PKHD1: variants seen among roughly 807,000 people sequenced by gnomAD.
PKHD1 encodes fibrocystin.
A neutral mutation model predicts 412.0 loss-of-function variants in PKHD1; 291 were observed. The ratio of observed to expected loss-of-function variants is 0.71; its 90% CI spans 0.64 to 0.78. The LOEUF is 0.78. Among genes scored for constraint, PKHD1 ranks in the 30% least tolerant of loss-of-function variants. The probability of loss-of-function intolerance (pLI) is 0.00; values close to 1 mark genes in which losing one functional copy is unlikely to be tolerated. For missense variants in PKHD1, 4,825 were observed against 4,950.7 expected, an observed-to-expected ratio of 0.97 and a Z score of 0.76; for synonymous variants, 1,777 against 1,821.5, an observed-to-expected ratio of 0.98 and a Z score of 0.62.
At chr6:52,079,163 A>C (rs899605165) in intron 5 of PKHD1, among the ~76,000 whole-genome samples, 6 of 152,200 alleles carry the variant, frequency 3.9e-5, no homozygotes, top group African/African-American at 1.2e-4. Context: ...ACCTTTTCAG[A>C]GATTGTTTAA....
At chr6:51,886,516 A>G (rs1369484116) in intron 44 of PKHD1, among the ~76,000 whole-genome samples, 1 of 152,188 alleles carries the variant, frequency 6.6e-6, no homozygotes, top group Non-Finnish European at 1.5e-5. Flanking sequence ...AACCTGGGGG[A>G]CACTGTGCTG....
intron 48 of PKHD1, among the ~76,000 whole-genome samples, 193 bp from the exon 49 acceptor site, chr6:51,856,263 C>T (rs1165712196): frequency 6.6e-6 from 1 of 152,160 alleles, no homozygotes. Flanking sequence ...TGGGAAGTTG[C>T]CATTGGATCA....
intron 60 of PKHD1, among the ~76,000 whole-genome samples, chr6:51,738,987 C>T (rs968932586): frequency 3.3e-5 from 5 of 150,958 alleles, no homozygotes; most frequent in African/African-American, 1.2e-4. Flanking sequence ...TTTTTCCATC[C>T]TTCTCATCTC....
intron 63 of PKHD1, among the ~76,000 whole-genome samples, chr6:51,644,727 C>T (rs1769857491): frequency 6.6e-6 from 1 of 152,194 alleles, no homozygotes; most frequent in African/African-American, 2.4e-5. Context: ...TGTCACCAGG[C>T]TGGAATGCAG....
intron 60 of PKHD1, among the ~76,000 whole-genome samples, chr6:51,737,278 A>G (rs1405103200): frequency 6.6e-6 from 1 of 152,168 alleles, no homozygotes; most frequent in East Asian, 1.9e-4. Context: ...TCGTGAGTTT[A>G]TATTTTTAAT....
intron 66 of PKHD1, chr6:51,621,915 G>A (rs1766670835): frequency 6.6e-6 from 1 of 152,176 alleles, no homozygotes; most frequent in African/African-American, 2.4e-5. Flanking sequence ...GGGTTTTAGG[G>A]AAGGAAGGAT....
intron 4 of PKHD1, 63 bp from the exon 5 acceptor site, chr6:52,080,071 C>T: frequency 1.1e-6 from 1 of 928,190 alleles, no homozygotes; most frequent in Non-Finnish European, 1.8e-6. Context: ...GCTAGCAGCC[C>T]ACTTGCCACT....
intron 58 of PKHD1, among the ~76,000 whole-genome samples, chr6:51,747,577 AGTT>A (rs1300377692): frequency 6.6e-6 from 1 of 152,190 alleles, no homozygotes; most frequent in Admixed American, 6.5e-5. Flanking sequence ...AAAAAATAAT[AGTT>A]GTTGTAGAAA....
chr6:51,833,804 C>T (rs1471296372), intron 51 of PKHD1, among the ~76,000 whole-genome samples: 2 of 152,182 alleles, frequency 1.3e-5, no homozygotes, highest in East Asian at 3.9e-4. Flanking sequence ...GTCAGACCAT[C>T]CAAAAAGCTC....
chr6:51,913,732 A>G (rs926113081), intron 37 of PKHD1, among the ~76,000 whole-genome samples: 1 of 152,084 alleles, frequency 6.6e-6, no homozygotes, highest in African/African-American at 2.4e-5. Context: ...CTCTTTATTT[A>G]TTTGTCTCTC....
At chr6:52,018,898 C>G (rs1800961055) in intron 33 of PKHD1, among the ~76,000 whole-genome samples, 1 of 152,100 alleles carries the variant, frequency 6.6e-6, no homozygotes, top group Non-Finnish European at 1.5e-5. Flanking sequence ...GCCCATTTTT[C>G]TATTGGGTTG....
chr6:51,640,153 T>G (rs550431070), intron 63 of PKHD1, among the ~76,000 whole-genome samples: 9 of 152,152 alleles, frequency 5.9e-5, no homozygotes, highest in Middle Eastern at 3.4e-3. Context: ...AACTGAAGAG[T>G]ACAGATGTTC....
rs1055038311 is a variant in PKHD1, at chr6:51,872,417, T to G, written c.7351-1778A>C. On this transcript the variant is annotated intron_variant, in intron 46 of 66. Transcript: ENST00000371117. The stretch of plus-strand genomic sequence containing the variant: ...GGAATCTGAGTTTTTGTTTTTTGGT[T>G]TTTTTTTTTGAGACAGAATCTCACT... Among the ~76,000 whole-genome samples, 41 of 64,550 alleles carry G rather than the reference T, an allele frequency of 6.4e-4. No homozygotes were observed. The East Asian group carries it at 0.054, about 85-fold the overall frequency. 42.3% of individuals were successfully genotyped at this position (64,550 alleles called of 152,430 possible).
Position 51,883,102 on chromosome 6 carries a change from A to C in PKHD1, c.7341T>G (p.Phe2447Leu), listed in dbSNP as rs1444293908. Residue 2447 changes from phenylalanine (F) to leucine (L), a missense_variant, in exon 46 of 67, where the codon TTT becomes TTG. Coordinates refer to ENST00000371117, the MANE Select transcript of PKHD1 (RefSeq NM_138694.4). ...ACACTAAGGCACTTACCTTGTGGGC[A>C]AAATGACCAAGTAATAAGCTGTCAG... Reference protein sequence around the residue: ...SVTDSLLLGHFAHKGSLCMSS... With the variant: ...SVTDSLLLGHLAHKGSLCMSS... 4 of 1,613,154 alleles carry C rather than the reference A, an allele frequency of 2.5e-6. No homozygotes were observed. The Admixed American group carries it at 6.7e-5, about 27-fold the overall frequency.
chr6:51,644,004 A>G (rs1431002118), intron 63 of PKHD1, among the ~76,000 whole-genome samples: 1 of 152,174 alleles, frequency 6.6e-6, no homozygotes, highest in Non-Finnish European at 1.5e-5. Context: ...AGAGAGTGGG[A>G]AAATTTATTG....
chr6:51,939,107 T>G (rs1237946837), intron 36 of PKHD1, among the ~76,000 whole-genome samples: 1 of 151,546 alleles, frequency 6.6e-6, no homozygotes. Context: ...TGGGGATGCC[T>G]GCCTTGGTCC....
chr6:51,844,725 G>A (rs1442607023), intron 50 of PKHD1, among the ~76,000 whole-genome samples: 1 of 152,062 alleles, frequency 6.6e-6, no homozygotes, highest in Non-Finnish European at 1.5e-5. Context: ...TACAAAAGAT[G>A]GCCCACTTAG....
At chr6:51,626,976 A>T (rs1767318522) in intron 66 of PKHD1, 21 bp downstream of exon 66, 1 of 1,612,722 alleles carries the variant, frequency 6.2e-7, no homozygotes, top group African/African-American at 1.3e-5. Context: ...TGTGGGGATC[A>T]TCTCCACCCT....
chr6:51,648,639 A>AGAAT (rs1770449889), intron 62 of PKHD1, among the ~76,000 whole-genome samples: 1 of 152,256 alleles, frequency 6.6e-6, no homozygotes, highest in Non-Finnish European at 1.5e-5. Flanking sequence ...GACTGAAATT[A>AGAAT]GAATTAAGCA....
Sources: allele counts gnomAD v4.1 joint callset (sites outside exome capture counted in the v4.1 genomes callset), GRCh38; gene constraint gnomAD v4.1.1; transcripts MANE v1.5; gene names NCBI Gene and HGNC (gene_info 2026-07-23, HGNC 2026-07-21).